Variants in CERKL observed in about 807,000 individuals in gnomAD.
CERKL encodes the protein CERK like autophagy regulator.
CERKL carries 61 observed loss-of-function variants against 63.4 expected under a neutral mutation model. That is an observed-to-expected ratio of 0.96 (90% CI 0.78 to 1.19). CERKL has a LOEUF of 1.19. CERKL is among the 50% of genes most tolerant of loss of function. The probability of loss-of-function intolerance (pLI) is 0.00; values close to 1 mark genes in which losing one functional copy is unlikely to be tolerated. For synonymous variants in CERKL, 250 were observed against 230.5 expected (o/e 1.08, Z -0.77); for missense variants, 675 against 655.5 (o/e 1.03, Z -0.33).
chr2:181,589,799 G>A (rs1184360646), intron 2 of CERKL, among the ~76,000 whole-genome samples: 2 of 152,132 alleles, frequency 1.3e-5, no homozygotes, highest in African/African-American at 4.8e-5. Context: ...GAAAAAGTGT[G>A]TAAATTTAAC....
chr2:181,546,801 G>A (rs907099917), intron 10 of CERKL, among the ~76,000 whole-genome samples: 14 of 152,130 alleles, frequency 9.2e-5, no homozygotes, highest in African/African-American at 2.9e-4. Context: ...GAAAATGTGG[G>A]CAGGAGATTG....
chr2:181,537,531 T>C lies in CERKL; in HGVS notation c.*653A>G, dbSNP rs1687208669. On this transcript the variant is annotated 3_prime_UTR_variant, in exon 13 of 13. Transcript: ENST00000410087. The stretch of plus-strand genomic sequence containing the variant: ...CTATATAACTATGTGATTTTGAAAT[T>C]TAACTGCTCTGGATTAGGGAGCAGT... 1 of 448,500 alleles carries C rather than the reference T, an allele frequency of 2.2e-6. No homozygotes were observed. The highest frequency in any genetic ancestry group is 2.0e-5 in the African/African-American group (1 of 49,732). 27.8% of individuals were successfully genotyped at this position (448,500 alleles called of 1,614,324 possible).
intron 1 of CERKL, among the ~76,000 whole-genome samples, chr2:181,615,929 C>T (rs185077993): frequency 6.5e-4 from 99 of 152,144 alleles, no homozygotes; most frequent in African/African-American, 2.3e-3. Context: ...TCAAGAGTTA[C>T]AACGAAGTAG....
At chr2:181,574,328 G>A (rs2105847425) in intron 2 of CERKL, among the ~76,000 whole-genome samples, 1 of 152,308 alleles carries the variant, frequency 6.6e-6, no homozygotes, top group Admixed American at 6.5e-5. Context: ...TGACCCCAGG[G>A]CTACCAACGC....
At chr2:181,620,775 G>A (rs1294365482) in intron 1 of CERKL, among the ~76,000 whole-genome samples, 1 of 152,120 alleles carries the variant, frequency 6.6e-6, no homozygotes, top group East Asian at 1.9e-4. Flanking sequence ...ACAGTGGCAG[G>A]GAATAGAGGG....
intron 1 of CERKL, among the ~76,000 whole-genome samples, chr2:181,652,718 G>A (rs1287289083): frequency 2.0e-5 from 3 of 150,806 alleles, no homozygotes; most frequent in Non-Finnish European, 4.4e-5. Context: ...CTATACATGC[G>A]ACAAAGGGAT....
At chr2:181,645,452 T>G (rs958192676) in intron 1 of CERKL, among the ~76,000 whole-genome samples, 1 of 152,262 alleles carries the variant, frequency 6.6e-6, no homozygotes, top group African/African-American at 2.4e-5. Flanking sequence ...ATCCTCCACC[T>G]GCCCTGTTCA....
intron 2 of CERKL, among the ~76,000 whole-genome samples, chr2:181,589,684 T>G (rs910883304): frequency 6.6e-6 from 1 of 152,164 alleles, no homozygotes; most frequent in Admixed American, 6.5e-5. Flanking sequence ...GGACTAGAGA[T>G]CTAAAATTCA....
intron 1 of CERKL, among the ~76,000 whole-genome samples, chr2:181,644,147 C>A (rs1471484716): frequency 6.6e-6 from 1 of 152,252 alleles, no homozygotes; most frequent in Non-Finnish European, 1.5e-5. Context: ...TGTCCCCTTT[C>A]TGAGGTGTAT....
rs1254533562 is a variant in CERKL, at chr2:181,537,771, CAG to C, written c.*411_*412del. ...AAGAATTTGAATTGATATCTAAAAA[CAG>C]AATTTGAATTGATATTTCATCTTGA... On this transcript the variant is annotated 3_prime_UTR_variant, in exon 13 of 13. Transcript: ENST00000410087. The C allele has an allele frequency of 3.4e-4, 151 of 449,542 alleles. No homozygotes were observed. Among genetic ancestry groups the C allele is most frequent in the African/African-American group, 2.8e-3 (140 of 49,786 alleles). The allele number at this position is 449,542 out of a possible 1,614,324, so 27.8% of individuals were successfully genotyped here.
chr2:181,644,864 A>C (rs550051319), intron 1 of CERKL, among the ~76,000 whole-genome samples: 1 of 152,364 alleles, frequency 6.6e-6, no homozygotes, highest in East Asian at 1.9e-4. Flanking sequence ...AGCAGCTGGA[A>C]CAGCAAGAAA....
intron 4 of CERKL, among the ~76,000 whole-genome samples, chr2:181,564,330 AAT>A (rs1234290800): frequency 2.6e-5 from 4 of 152,132 alleles, no homozygotes; most frequent in Non-Finnish European, 5.9e-5. Context: ...AGAAATTTGA[AAT>A]TATTGTAAGT....
rs1466932271 is a variant in CERKL at position 181,544,793 on chromosome 2, T to G, written c.1272A>C (p.Leu424Phe). 1 of 1,580,730 alleles carries G rather than the reference T, an allele frequency of 6.3e-7. No individual in the cohort carries two copies. Among genetic ancestry groups the G allele is most frequent in the Non-Finnish European group, 8.7e-7 (1 of 1,154,290 alleles). The change falls in exon 11 of 13, where the codon TTA (leucine) becomes TTC (phenylalanine). Residue 424 changes from leucine to phenylalanine, a missense_variant. Leu to Phe is a conservative substitution (Grantham distance 22). Transcript: ENST00000410087. ...TTATAAGAGCCATACTTCCATTATTTAATCTGAAATTAAATATTTCTATTA... is the reference window on the plus strand; with the variant it reads ...TTATAAGAGCCATACTTCCATTATTGAATCTGAAATTAAATATTTCTATTA... ...APRGLAPNTR[L>F]NNGSMALIIA...
intron 1 of CERKL, among the ~76,000 whole-genome samples, chr2:181,637,144 T>C (rs747211898): frequency 5.3e-5 from 8 of 152,178 alleles, no homozygotes; most frequent in Non-Finnish European, 1.2e-4. Context: ...TAAACTCTTC[T>C]GGAGAAATTT....
At chr2:181,598,122 A>T (rs1439256942) in intron 2 of CERKL, among the ~76,000 whole-genome samples, 1 of 152,144 alleles carries the variant, frequency 6.6e-6, no homozygotes, top group Non-Finnish European at 1.5e-5. Context: ...CATGGTTTTC[A>T]AGATGGCTCC....
intron 3 of CERKL, among the ~76,000 whole-genome samples, chr2:181,571,133 A>G (rs1559083065): frequency 1.3e-5 from 2 of 152,212 alleles, no homozygotes; most frequent in African/African-American, 2.4e-5. Flanking sequence ...AGGCAGGAAG[A>G]CTAAAACTTT....
intron 5 of CERKL, among the ~76,000 whole-genome samples, chr2:181,553,566 T>C (rs10514624): frequency 0.25 from 38,107 of 152,122 alleles, 5,148 homozygotes; most frequent in African/African-American, 0.35. Flanking sequence ...GTTTGAAGTA[T>C]GGTGGGTATG....
chr2:181,575,092 G>A (rs1689071827), intron 2 of CERKL, among the ~76,000 whole-genome samples: 1 of 152,260 alleles, frequency 6.6e-6, no homozygotes, highest in African/African-American at 2.4e-5. Flanking sequence ...AGATTCATAA[G>A]ATGGTAGCCA....
intron 2 of CERKL, among the ~76,000 whole-genome samples, chr2:181,599,840 C>T (rs1057288159): frequency 1.3e-5 from 2 of 152,046 alleles, no homozygotes; most frequent in African/African-American, 4.8e-5. Context: ...CATCCAGATA[C>T]AAGAAATTCA....
Sources: gnomAD v4.1 joint callset for allele counts (sites outside exome capture counted in the v4.1 genomes callset) on GRCh38, gnomAD v4.1.1 for gene constraint, MANE v1.5 for transcripts, NCBI Gene and HGNC (gene_info 2026-07-23, HGNC 2026-07-21) for gene names.